Variants in ZFAND3 observed in about 807,000 individuals in gnomAD.
ZFAND3 encodes AN1-type zinc finger protein 3.
A neutral mutation model predicts 29.6 loss-of-function variants in ZFAND3; 10 were observed. That is an observed-to-expected ratio of 0.34 (90% confidence interval 0.21 to 0.57). The LOEUF (loss-of-function observed/expected upper bound fraction) is 0.57, where lower values mean the gene tolerates loss of function less well. ZFAND3 is among the 20% of genes least tolerant of loss of function. The pLI is 0.86. For missense variants in ZFAND3, 230 were observed against 304.5 expected, an observed-to-expected ratio of 0.76 and a Z score of 1.82; for synonymous variants, 128 against 112.6, an observed-to-expected ratio of 1.14 and a Z score of -0.87.
intron 1 of ZFAND3, among the ~76,000 whole-genome samples, chr6:37,840,885 G>C (rs1457280877): frequency 4.6e-5 from 7 of 151,934 alleles, no homozygotes; most frequent in Non-Finnish European, 1.0e-4. Flanking sequence ...GAGAACATTT[G>C]GTTAGAAAAA....
intron 3 of ZFAND3, among the ~76,000 whole-genome samples, 168 bp downstream of exon 3, chr6:38,061,943 C>T (rs1311750471): frequency 2.6e-5 from 4 of 152,222 alleles, no homozygotes; most frequent in Middle Eastern, 3.2e-3. Context: ...TCAGCCATTC[C>T]TGAAGAAATA....
chr6:38,093,160 C>CA (rs1209426736), intron 4 of ZFAND3, among the ~76,000 whole-genome samples: 2 of 152,024 alleles, frequency 1.3e-5, no homozygotes, highest in East Asian at 1.9e-4. Context: ...CTTGACTTGC[C>CA]AAAAAAACCA....
At chr6:37,834,748 G>A (rs1055806799) in intron 1 of ZFAND3, among the ~76,000 whole-genome samples, 1 of 144,420 alleles carries the variant, frequency 6.9e-6, no homozygotes, top group East Asian at 2.0e-4. Context: ...ATATCATTAT[G>A]CATATATAAT....
intron 2 of ZFAND3, among the ~76,000 whole-genome samples, chr6:37,961,326 C>A (rs1483551604): frequency 6.6e-6 from 1 of 152,224 alleles, no homozygotes; most frequent in Non-Finnish European, 1.5e-5. Flanking sequence ...GTTGCCAGCT[C>A]AGCCACAATG....
At chr6:37,825,982 T>C (rs259719) in intron 1 of ZFAND3, among the ~76,000 whole-genome samples, 148,032 of 152,310 alleles carry the variant, frequency 0.97, 71,973 homozygotes, top group East Asian at 1. Context: ...AATCACAGAT[T>C]AAAATTGAGG....
chr6:37,938,324 A>G (rs1761740428), intron 2 of ZFAND3, among the ~76,000 whole-genome samples: 1 of 152,220 alleles, frequency 6.6e-6, no homozygotes, highest in Non-Finnish European at 1.5e-5. Flanking sequence ...CAGTGAAAAT[A>G]CTAATAGTAC....
intron 2 of ZFAND3, among the ~76,000 whole-genome samples, chr6:37,990,628 C>T (rs528868012): frequency 2.9e-4 from 44 of 152,062 alleles, no homozygotes; most frequent in Non-Finnish European, 5.3e-4. Context: ...ATAATTTTAA[C>T]ACAACATACA....
intron 1 of ZFAND3, among the ~76,000 whole-genome samples, chr6:37,878,833 C>A (rs1764840012): frequency 6.6e-6 from 1 of 152,170 alleles, no homozygotes. Context: ...CATTTTGTGT[C>A]ATTTATTATA....
At chr6:37,848,355 G>A (rs762809271) in intron 1 of ZFAND3, among the ~76,000 whole-genome samples, 13 of 152,238 alleles carry the variant, frequency 8.5e-5, no homozygotes, top group Non-Finnish European at 1.9e-4. Flanking sequence ...TTGAGGCCAG[G>A]TAAAGCCTGT....
At chr6:37,999,181 C>T (rs1762902313) in intron 2 of ZFAND3, among the ~76,000 whole-genome samples, 1 of 152,124 alleles carries the variant, frequency 6.6e-6, no homozygotes, top group South Asian at 2.1e-4. Flanking sequence ...TGAAGAGCTC[C>T]CAGTGGCCCA....
chr6:38,144,217 T>A (rs1394554668), intron 5 of ZFAND3, among the ~76,000 whole-genome samples: 15 of 98,342 alleles, frequency 1.5e-4, no homozygotes, highest in Non-Finnish European at 2.8e-4. Context: ...ATATAATATA[T>A]AATATATATA....
At chr6:37,959,132 T>A (rs1406052234) in intron 2 of ZFAND3, among the ~76,000 whole-genome samples, 1 of 152,204 alleles carries the variant, frequency 6.6e-6, no homozygotes, top group Non-Finnish European at 1.5e-5. Context: ...CATTTCACCT[T>A]CTGAATTTGC....
chr6:38,007,325 C>G (rs1275921183), intron 2 of ZFAND3, among the ~76,000 whole-genome samples: 2 of 151,998 alleles, frequency 1.3e-5, no homozygotes, highest in Non-Finnish European at 2.9e-5. Flanking sequence ...TTTGGGAGGC[C>G]AAGGCAGGAG....
chr6:38,095,528 G>A (rs886076048), intron 4 of ZFAND3, among the ~76,000 whole-genome samples: 1 of 151,842 alleles, frequency 6.6e-6, no homozygotes, highest in Non-Finnish European at 1.5e-5. Context: ...GCGCCTACCG[G>A]TCTTTCCTCT....
chr6:37,930,065 T>TGA, intron 2 of ZFAND3, 66 bp downstream of exon 2: 2 of 1,433,202 alleles, frequency 1.4e-6, no homozygotes, highest in Non-Finnish European at 1.9e-6. Context: ...TTTTGGTTCT[T>TGA]TTTAAGACTA....
intron 2 of ZFAND3, among the ~76,000 whole-genome samples, chr6:38,048,334 T>C (rs542241462): frequency 1.3e-5 from 2 of 151,730 alleles, no homozygotes; most frequent in Non-Finnish European, 2.9e-5. Context: ...TTAAAAAATA[T>C]ATTCAGGCCG....
At chr6:37,897,525 A>G (rs911462345) in intron 1 of ZFAND3, among the ~76,000 whole-genome samples, 5 of 152,210 alleles carry the variant, frequency 3.3e-5, no homozygotes, top group Non-Finnish European at 7.3e-5. Context: ...TCAAGAGTAT[A>G]TAGATGAGAG....
chr6:38,144,207 ATATAATATATAATATATATATATATT>A lies in ZFAND3; in HGVS notation c.530-8026_530-8001del, dbSNP rs1326207685. Among the ~76,000 whole-genome samples the A allele has an allele frequency of 1.5e-3, 65 of 43,666 alleles. 4 individuals are homozygous for A. Among genetic ancestry groups the A allele is most frequent in the African/African-American group, 6.1e-3 (45 of 7,374 alleles). 28.6% of individuals were successfully genotyped at this position (43,666 alleles called of 152,430 possible). Reference sequence around the variant, plus strand: ...ATAATATATATATATATATATATATATATAATATATAATATATATATATATTTTTTTTTTAATAAGGTTGCTTGATC... The same window carrying A: ...ATAATATATATATATATATATATATATTTTTTTTAATAAGGTTGCTTGATC... On this transcript the variant is annotated intron_variant, in intron 5 of 5. Transcript: ENST00000287218.
intron 5 of ZFAND3, among the ~76,000 whole-genome samples, chr6:38,136,102 C>T (rs924145147): frequency 1.3e-5 from 2 of 152,088 alleles, no homozygotes; most frequent in Non-Finnish European, 2.9e-5. Context: ...CTGGCATTGA[C>T]CTGAGAGAGG....
Sources: allele counts gnomAD v4.1 joint callset (sites outside exome capture counted in the v4.1 genomes callset), GRCh38; gene constraint gnomAD v4.1.1; transcripts MANE v1.5; gene names NCBI Gene and HGNC (gene_info 2026-07-23, HGNC 2026-07-21).